ELF2: variants seen among roughly 807,000 people sequenced by gnomAD.
The protein encoded by ELF2 is ETS-related transcription factor Elf-2.
ELF2 carries 11 observed loss-of-function variants against 54.8 expected under a neutral mutation model. The observed-to-expected ratio is 0.20, with a 90% CI of 0.13 to 0.33. The LOEUF (loss-of-function observed/expected upper bound fraction) is 0.33, where lower values mean the gene tolerates loss of function less well. Ranked by LOEUF, ELF2 falls within the 10% of genes least tolerant of loss-of-function variation. The pLI is 1.00. For missense variants in ELF2, 513 were observed against 703.0 expected, an observed-to-expected ratio of 0.73 and a Z score of 3.06; for synonymous variants, 203 against 245.1, an observed-to-expected ratio of 0.83 and a Z score of 1.61.
intron 4 of ELF2, among the ~76,000 whole-genome samples, chr4:139,079,302 T>G (rs985433213): frequency 6.6e-6 from 1 of 152,194 alleles, no homozygotes; most frequent in Non-Finnish European, 1.5e-5. Flanking sequence ...TTATTATACT[T>G]GATTCAATAG....
intron 3 of ELF2, among the ~76,000 whole-genome samples, chr4:139,128,114 A>G (rs1737114966): frequency 6.6e-6 from 1 of 152,022 alleles, no homozygotes; most frequent in African/African-American, 2.4e-5. Flanking sequence ...TAGAAAAAAT[A>G]AAAAATAAAT....
intron 4 of ELF2, among the ~76,000 whole-genome samples, chr4:139,077,405 A>G (rs1205485850): frequency 6.6e-6 from 1 of 152,216 alleles, no homozygotes; most frequent in Non-Finnish European, 1.5e-5. Context: ...GCATGTTAAG[A>G]GGAACACTGA....
intron 1 of ELF2, among the ~76,000 whole-genome samples, chr4:139,147,041 C>T (rs1243230177): frequency 1.3e-5 from 2 of 152,080 alleles, no homozygotes; most frequent in African/African-American, 4.8e-5. Context: ...CCTAATTAAA[C>T]TAAAAGGCTT....
intron 4 of ELF2, among the ~76,000 whole-genome samples, chr4:139,075,053 G>C (rs1224177452): frequency 1.3e-5 from 2 of 152,178 alleles, no homozygotes; most frequent in South Asian, 4.1e-4. Flanking sequence ...GCTCTCTTCA[G>C]AGCCTCAGTG....
In ELF2 at chr4:139,071,963, T is replaced by A. The variant is rs779909556; in HGVS notation, c.429A>T (p.Glu143Asp). The A allele has an allele frequency of 6.2e-7, 1 of 1,613,974 alleles. No homozygotes were observed. Among genetic ancestry groups the A allele is most frequent in the South Asian group, 1.1e-5 (1 of 91,068 alleles). Residue 143 changes from glutamate to aspartate, a missense_variant, in exon 6 of 10, where the codon GAA (glutamate) becomes GAT (aspartate). Around this residue, in one of 3 missense-constraint regions of ELF2, gnomAD observed 203 missense variants for 245.9 expected, o/e 0.83. Transcript: ENST00000686138. ...CTTCAGTTGACACCTCCACTACAGTTTCTGTAATGACATCTGGCCTCATAG... is the reference window on the plus strand; with the variant it reads ...CTTCAGTTGACACCTCCACTACAGTATCTGTAATGACATCTGGCCTCATAG... ...HAAMRPDVIT[E>D]TVVEVSTEES... is the part of the protein sequence containing the mutation.
At chr4:139,074,489 G>A (rs1165707838) in intron 4 of ELF2, among the ~76,000 whole-genome samples, 2 of 152,030 alleles carry the variant, frequency 1.3e-5, no homozygotes, top group South Asian at 2.1e-4. Context: ...CAGGGGGGCC[G>A]GGTGTGGTGG....
At chr4:139,152,513 T>C (rs1198914795) in intron 1 of ELF2, among the ~76,000 whole-genome samples, 2 of 152,012 alleles carry the variant, frequency 1.3e-5, no homozygotes, top group Non-Finnish European at 2.9e-5. Context: ...TTTTATTCTA[T>C]AGAGATGGGG....
At chr4:139,142,455 T>TC (rs1738797132) in intron 1 of ELF2, among the ~76,000 whole-genome samples, 1 of 151,896 alleles carries the variant, frequency 6.6e-6, no homozygotes, top group Non-Finnish European at 1.5e-5. Context: ...GCCAAGTAGG[T>TC]CCCCTGTAAG....
At position 139,160,975 on chromosome 4, in the gene ELF2, T is replaced by TAAAAG. The variant is rs377605695; in HGVS notation, c.-252+15987_-252+15991dup. Among the ~76,000 whole-genome samples the TAAAAG allele has an allele frequency of 6.3e-3, 963 of 152,050 alleles. 14 individuals are homozygous for TAAAAG. Among genetic ancestry groups the TAAAAG allele is most frequent in the African/African-American group, 0.022 (931 of 41,476 alleles). ...GAGACTCCATCTCAAAATAAATAAA[T>TAAAAG]AAAAGAAAAATAAAATTCTAAAATG... On this transcript the variant is annotated intron_variant, in intron 1 of 9. Coordinates refer to ENST00000686138, the MANE Select transcript of ELF2 (RefSeq NM_001331036.3).
intron 1 of ELF2, among the ~76,000 whole-genome samples, chr4:139,172,912 T>C (rs966839663): frequency 9.2e-6 from 1 of 109,152 alleles, no homozygotes; most frequent in African/African-American, 3.2e-5. Context: ...GGGGCTATCA[T>C]ATACCTATAC....
intron 4 of ELF2, among the ~76,000 whole-genome samples, chr4:139,092,786 G>A (rs1732813931): frequency 6.6e-6 from 1 of 151,884 alleles, no homozygotes; most frequent in South Asian, 2.1e-4. Flanking sequence ...GGGCGACAGA[G>A]AGACTCCGTC....
Position 139,139,500 on chromosome 4 carries a change from G to A in ELF2, c.-251-3C>T, listed in dbSNP as rs2148864402. 8.2e-7 allele frequency: 1 copy of A among 1,225,498 alleles called. No homozygotes were observed. Among genetic ancestry groups the A allele is most frequent in the African/African-American group, 1.6e-5 (1 of 64,346 alleles). 75.9% of individuals were successfully genotyped at this position (1,225,498 alleles called of 1,614,324 possible). On this transcript the variant is annotated splice_polypyrimidine_tract_variant and splice_region_variant and intron_variant, in intron 1 of 9. Transcript: ENST00000686138. ...TCTGAACCAGTAGTTCTTTGGAACT[G>A]CCAGCGGGAGGGGAAAAAAGATAAT...
chr4:139,074,063 G>A (rs1450648312), intron 4 of ELF2, among the ~76,000 whole-genome samples: 1 of 152,216 alleles, frequency 6.6e-6, no homozygotes, highest in Non-Finnish European at 1.5e-5. Flanking sequence ...AGGAGGTAGA[G>A]GTTGCAGTGA....
intron 4 of ELF2, among the ~76,000 whole-genome samples, chr4:139,075,358 G>A (rs1244886676): frequency 6.6e-6 from 1 of 152,138 alleles, no homozygotes; most frequent in African/African-American, 2.4e-5. Flanking sequence ...GAGGTCTGGG[G>A]GGCTAGCTTA....
chr4:139,087,667 G>A (rs1201868766), intron 4 of ELF2, among the ~76,000 whole-genome samples: 2 of 152,030 alleles, frequency 1.3e-5, no homozygotes, highest in East Asian at 1.9e-4. Context: ...GGGTTTGACC[G>A]TGTTAGCCAG....
At chr4:139,146,196 T>C (rs1228243344) in intron 1 of ELF2, among the ~76,000 whole-genome samples, 1 of 152,192 alleles carries the variant, frequency 6.6e-6, no homozygotes, top group East Asian at 1.9e-4. Flanking sequence ...ACAAAGTCAA[T>C]GAACACAAAT....
intron 1 of ELF2, among the ~76,000 whole-genome samples, chr4:139,157,913 C>A (rs567377104): frequency 6.6e-6 from 1 of 152,298 alleles, no homozygotes; most frequent in South Asian, 2.1e-4. Flanking sequence ...ATGGATAACG[C>A]GTCTGACTAC....
intron 4 of ELF2, among the ~76,000 whole-genome samples, chr4:139,124,260 G>T (rs180960260): frequency 1.3e-5 from 2 of 152,284 alleles, no homozygotes; most frequent in African/African-American, 4.8e-5. Flanking sequence ...GAAAAGCAAG[G>T]TAACTTTCAA....
rs144325788 is a variant in ELF2, at chr4:139,083,545, G to A, written c.239-9978C>T. 3.9e-5 allele frequency among the ~76,000 whole-genome samples: 6 copies of A among 152,298 alleles called. No homozygotes were observed. The East Asian group carries it at 1.2e-3, about 29-fold the overall frequency. ...GGTGGGAATGTGCGGAGGAGGGAGGGTCAGAGCATTTTTTTTTGGCGGGTA... is the reference window on the plus strand; with the variant it reads ...GGTGGGAATGTGCGGAGGAGGGAGGATCAGAGCATTTTTTTTTGGCGGGTA... On this transcript the variant is annotated intron_variant, in intron 4 of 9. Coordinates refer to ENST00000686138, the MANE Select transcript of ELF2 (RefSeq NM_001331036.3).
Sources: gnomAD v4.1 joint callset for allele counts (sites outside exome capture counted in the v4.1 genomes callset) on GRCh38, gnomAD v4.1.1 for gene constraint, gnomAD v4.1.1 regional missense constraint, MANE v1.5 for transcripts, NCBI Gene and HGNC (gene_info 2026-07-23, HGNC 2026-07-21) for gene names.